The following CASC3 variants were observed in gnomAD, a reference collection of about 807,000 sequenced individuals.
CASC3 encodes protein CASC3.
In CASC3, 30 loss-of-function variants were observed where a neutral mutation model predicts 80.5. The observed-to-expected ratio is 0.37, with a 90% CI of 0.28 to 0.51. The LOEUF is 0.51. Among genes scored for constraint, CASC3 ranks in the 20% least tolerant of loss-of-function variants. The probability of loss-of-function intolerance (pLI) is 0.94; values close to 1 mark genes in which losing one functional copy is unlikely to be tolerated. For missense variants in CASC3, 824 were observed against 922.2 expected, an observed-to-expected ratio of 0.89 and a Z score of 1.38; for synonymous variants, 312 against 333.6, an observed-to-expected ratio of 0.94 and a Z score of 0.70.
intron 3 of CASC3, among the ~76,000 whole-genome samples, chr17:40,144,537 G>A (rs541375860): frequency 1.3e-5 from 2 of 151,090 alleles, no homozygotes; most frequent in South Asian, 4.2e-4. Flanking sequence ...TAGAGACGGG[G>A]TTTTACCATG....
intron 3 of CASC3, 122 bp from the exon 4 acceptor site, chr17:40,161,631 A>T: frequency 1.2e-6 from 1 of 806,102 alleles, no homozygotes; most frequent in East Asian, 2.5e-5. Flanking sequence ...GTGAGCTGAG[A>T]TTGTGCCACT....
chr17:40,141,491 C>T, intron 2 of CASC3, 79 bp from the exon 3 acceptor site: 2 of 1,196,588 alleles, frequency 1.7e-6, no homozygotes, highest in Non-Finnish European at 2.5e-6. Flanking sequence ...TTAAATGAGA[C>T]TCTTAGTCTG....
At chr17:40,145,044 A>G (rs1267102021) in intron 3 of CASC3, among the ~76,000 whole-genome samples, 1 of 151,080 alleles carries the variant, frequency 6.6e-6, no homozygotes, top group Non-Finnish European at 1.5e-5. Flanking sequence ...TGTTTTTAGT[A>G]GAGATGGGGT....
chr17:40,158,152 A>G (rs1450333870), intron 3 of CASC3, among the ~76,000 whole-genome samples: 1 of 152,200 alleles, frequency 6.6e-6, no homozygotes, highest in Non-Finnish European at 1.5e-5. Flanking sequence ...AAAATGAGGA[A>G]GAGGGATTAA....
At chr17:40,150,302 G>A (rs1442555196) in intron 3 of CASC3, among the ~76,000 whole-genome samples, 1 of 152,044 alleles carries the variant, frequency 6.6e-6, no homozygotes, top group African/African-American at 2.4e-5. Flanking sequence ...AGCCCAGGAG[G>A]TCGAGGCCAC....
intron 3 of CASC3, 111 bp from the exon 4 acceptor site, chr17:40,161,640 CTG>C (rs1387873331): frequency 2.0e-5 from 18 of 887,626 alleles, no homozygotes; most frequent in Non-Finnish European, 3.1e-5. Flanking sequence ...GATTGTGCCA[CTG>C]TATTCCAGCC....
intron 3 of CASC3, among the ~76,000 whole-genome samples, chr17:40,161,133 C>G (rs1188137093): frequency 6.8e-6 from 1 of 147,488 alleles, no homozygotes; most frequent in Non-Finnish European, 1.5e-5. Context: ...GTGCCTACCA[C>G]CAAGTGCGGC....
Position 40,167,548 on chromosome 17 carries a change from T to C in CASC3, c.1587T>C (p.Pro529=), listed in dbSNP as rs1336890320. ...AKRYSSQRQR[P]VPEPPAPPVH... ...GCTATTCATCCCAGCGGCAAAGACC[T>C]GTGCCAGAGCCCCCCGCCCCTCCAG... Residue 529 remains proline, a synonymous_variant, in exon 9 of 14, where the codon CCT becomes CCC. Transcript: ENST00000264645. 26 of 1,614,116 alleles carry C rather than the reference T, an allele frequency of 1.6e-5. No homozygotes were observed. Among genetic ancestry groups the C allele is most frequent in the African/African-American group, 2.7e-5 (2 of 75,036 alleles).
At position 40,161,919 on chromosome 17, in the gene CASC3, C is replaced by T; in HGVS notation, c.456+8C>T. 6.2e-7 allele frequency: 1 copy of T among 1,613,874 alleles called. No individual in the cohort carries two copies. ...CAAAGTGGGGACGGACAGGTTAGTA[C>T]ATTCCACAGTCCTCCATTTTAGAGG... On this transcript the variant is annotated splice_region_variant and intron_variant, in intron 4 of 13. Coordinates refer to ENST00000264645, the MANE Select transcript of CASC3 (RefSeq NM_007359.5).
intron 3 of CASC3, among the ~76,000 whole-genome samples, chr17:40,156,631 G>A (rs1018096815): frequency 9.2e-5 from 14 of 152,178 alleles, no homozygotes; most frequent in Non-Finnish European, 2.1e-4. Flanking sequence ...GGAGCTTGCA[G>A]TGAGCCGAGA....
chr17:40,152,014 A>G (rs562895467), intron 3 of CASC3, among the ~76,000 whole-genome samples: 32 of 152,360 alleles, frequency 2.1e-4, no homozygotes, highest in African/African-American at 7.5e-4. Flanking sequence ...TACATTGTGG[A>G]GTACCACAGT....
chr17:40,159,711 A>ATTTTTTTTTT, intron 3 of CASC3, among the ~76,000 whole-genome samples: 1 of 93,166 alleles, frequency 1.1e-5, no homozygotes, highest in African/African-American at 4.6e-5. Flanking sequence ...TTCCTGGCGA[A>ATTTTTTTTTT]TTTTTTTTTT....
In CASC3 at chr17:40,168,192, T is replaced by C. The variant is rs1030516877; in HGVS notation, c.1751-11T>C. 1 of 1,611,978 alleles carries C rather than the reference T, an allele frequency of 6.2e-7. No individual in the cohort carries two copies. Among genetic ancestry groups the C allele is most frequent in the African/African-American group, 1.3e-5 (1 of 74,840 alleles). ...ACTTTATTTTTCAGTTTTTTTCTTC[T>C]CCTTATCCAGGTTTACATCCCCACC... On this transcript the variant is annotated splice_polypyrimidine_tract_variant and intron_variant, in intron 10 of 13. Coordinates refer to ENST00000264645, the MANE Select transcript of CASC3 (RefSeq NM_007359.5).
At chr17:40,141,149 T>A (rs1567674717) in intron 1 of CASC3, 58 bp from the exon 2 acceptor site, 3 of 1,516,734 alleles carry the variant, frequency 2.0e-6, no homozygotes, top group South Asian at 2.3e-5. Flanking sequence ...CATTTCTTTA[T>A]TGGGCTCCCC....
chr17:40,167,823 T>A, intron 9 of CASC3, 27 bp from the exon 10 acceptor site: 1 of 1,581,678 alleles, frequency 6.3e-7, no homozygotes. Context: ...TAAGGGTTTA[T>A]GAGAGTCCCA....
In CASC3 at chr17:40,163,961, G is replaced by A. The variant is rs1244430023; in HGVS notation, c.1266G>A (p.Glu422=). 2.5e-6 allele frequency: 4 copies of A among 1,614,022 alleles called. No homozygotes were observed. The highest frequency in any genetic ancestry group is 1.7e-5 in the Admixed American group (1 of 59,992). ...TTGGAGATGCAGTCAAGCTTGCAGA[G>A]GAGGTGCCCCCTCCTCCTGAAGGAC... ...TKVGDAVKLA[E]EVPPPPEGLI... is the part of the protein sequence containing the mutation. The change falls in exon 7 of 14, where the codon GAG becomes GAA. Residue 422 remains glutamate, a synonymous_variant. Coordinates refer to ENST00000264645, the MANE Select transcript of CASC3 (RefSeq NM_007359.5).
intron 3 of CASC3, among the ~76,000 whole-genome samples, chr17:40,151,137 A>G (rs960573364): frequency 6.6e-6 from 1 of 152,212 alleles, no homozygotes; most frequent in African/African-American, 2.4e-5. Context: ...CAGGAGGCTG[A>G]GGCAGGAGGA....
At chr17:40,143,087 A>C (rs1268227090) in intron 3 of CASC3, among the ~76,000 whole-genome samples, 1 of 120,976 alleles carries the variant, frequency 8.3e-6, no homozygotes, top group East Asian at 2.1e-4. Context: ...ACTCTGTCTC[A>C]AAAAAAAAAA....
In CASC3 at chr17:40,160,164, C is replaced by A. The variant is rs150866008; in HGVS notation, c.298-1589C>A. Among the ~76,000 whole-genome samples the A allele has an allele frequency of 7.2e-5, 11 of 152,184 alleles. No homozygotes were observed. The East Asian group carries it at 2.1e-3, about 29-fold the overall frequency. ...TTGAGATGGGAGAGTTCACAACTTA[C>A]GTCAAAGTATAGTTATTAGGCACTG... On this transcript the variant is annotated intron_variant, in intron 3 of 13. Coordinates refer to ENST00000264645, the MANE Select transcript of CASC3 (RefSeq NM_007359.5).
Sources: gnomAD v4.1 joint callset for allele counts (sites outside exome capture counted in the v4.1 genomes callset) on GRCh38, gnomAD v4.1.1 for gene constraint, MANE v1.5 for transcripts, NCBI Gene and HGNC (gene_info 2026-07-23, HGNC 2026-07-21) for gene names.